The following NBAS variants were observed in gnomAD, a reference collection of about 807,000 sequenced individuals.
The protein encoded by NBAS is NAG/BC035112 fusion.
In NBAS, 219 loss-of-function variants were observed where a neutral mutation model predicts 302.5. That is an observed-to-expected ratio of 0.72 (90% CI 0.65 to 0.81). The LOEUF (loss-of-function observed/expected upper bound fraction) is 0.81. NBAS is among the 30% of genes least tolerant of loss of function. The probability of loss-of-function intolerance (pLI) is 0.00; values close to 1 mark genes in which losing one functional copy is unlikely to be tolerated. For synonymous variants in NBAS, 1,118 were observed against 1,021.6 expected (o/e 1.09, Z -1.80); for missense variants, 2,932 against 2,841.6 (o/e 1.03, Z -0.72).
intron 8 of NBAS, among the ~76,000 whole-genome samples, chr2:15,535,521 C>A (rs374270215): frequency 1.2e-5 from 1 of 84,722 alleles, no homozygotes; most frequent in African/African-American, 9.1e-5. Flanking sequence ...GACTCCGTCT[C>A]AGAAATAAAT....
chr2:15,052,285 T>C, the NBAS span, among the ~76,000 whole-genome samples: 6 of 152,330 alleles, frequency 3.9e-5, no homozygotes, highest in Admixed American at 2.0e-4. Flanking sequence ...TATCCATATA[T>C]TTTCCTTGAC....
chr2:15,133,393 G>A, the NBAS span, among the ~76,000 whole-genome samples: 54 of 152,196 alleles, frequency 3.5e-4, no homozygotes, highest in Non-Finnish European at 2.2e-4. Flanking sequence ...TCTTAGAGAT[G>A]AAATATATCT....
the NBAS span, among the ~76,000 whole-genome samples, chr2:14,800,503 G>A: frequency 5.9e-5 from 9 of 152,144 alleles, no homozygotes; most frequent in African/African-American, 1.9e-4. Flanking sequence ...TATCAGCAGT[G>A]TGAAAGTGGA....
chr2:15,445,761 TAAA>T (rs1678703706), intron 21 of NBAS, among the ~76,000 whole-genome samples: 1 of 151,674 alleles, frequency 6.6e-6, no homozygotes, highest in Admixed American at 6.6e-5. Context: ...ACCAGGTATG[TAAA>T]GAAGAAGGAA....
the NBAS span, among the ~76,000 whole-genome samples, chr2:15,032,422 A>G: frequency 6.6e-6 from 1 of 152,352 alleles, no homozygotes; most frequent in African/African-American, 2.4e-5. Flanking sequence ...ACTTTGCCCA[A>G]TTTTATTTAT....
chr2:15,178,206 A>G (rs1365412968), intron 51 of NBAS: 1 of 466,878 alleles, frequency 2.1e-6, no homozygotes, highest in Non-Finnish European at 4.4e-6. Flanking sequence ...ATATATACAT[A>G]TATATGTATA....
rs529911694 is a variant in NBAS at position 15,285,086 on chromosome 2, AGTGT to A, written c.5138+1983_5138+1986del. Among the ~76,000 whole-genome samples, 536 of 152,356 alleles carry A rather than the reference AGTGT, an allele frequency of 3.5e-3. 2 individuals are homozygous for A. The highest frequency in any genetic ancestry group is 0.012 in the African/African-American group (504 of 41,586). On this transcript the variant is annotated intron_variant, in intron 42 of 51. Transcript: ENST00000281513. ...AAATGCCAGGATATTTTTAAATGCC[AGTGT>A]GTGTATCATAAGAAATATTTATTTG...
the NBAS span, among the ~76,000 whole-genome samples, chr2:14,883,346 T>C: frequency 6.6e-6 from 1 of 152,236 alleles, no homozygotes; most frequent in Non-Finnish European, 1.5e-5. Context: ...AGTTTACATT[T>C]TATTTACTTA....
chr2:15,333,427 C>T (rs1209801072), intron 35 of NBAS, among the ~76,000 whole-genome samples: 1 of 152,064 alleles, frequency 6.6e-6, no homozygotes, highest in Non-Finnish European at 1.5e-5. Context: ...GAAGGGAAAG[C>T]CACTGGAAGG....
At chr2:14,867,623 C>T in the NBAS span, among the ~76,000 whole-genome samples, 2 of 152,164 alleles carry the variant, frequency 1.3e-5, no homozygotes, top group South Asian at 2.1e-4. Context: ...ATGTAAGGAA[C>T]GGTTATCATT....
intron 6 of NBAS, 25 bp downstream of exon 6, chr2:15,551,468 C>T (rs1206384328): frequency 3.2e-6 from 5 of 1,545,754 alleles, no homozygotes; most frequent in Non-Finnish European, 4.5e-6. Context: ...AATTTTCATT[C>T]TTTAAATATT....
intron 50 of NBAS, among the ~76,000 whole-genome samples, chr2:15,181,780 C>A (rs1005777165): frequency 6.6e-6 from 1 of 152,196 alleles, no homozygotes; most frequent in East Asian, 1.9e-4. Flanking sequence ...GACCAGTTCA[C>A]AAATATGCCT....
chr2:15,289,445 C>T (rs1670204059), intron 41 of NBAS, among the ~76,000 whole-genome samples: 1 of 152,174 alleles, frequency 6.6e-6, no homozygotes, highest in Admixed American at 6.5e-5. Flanking sequence ...CCTACCTCCA[C>T]ATCATGGAAT....
At position 15,238,594 on chromosome 2, in the gene NBAS, G is replaced by T. The variant is rs144241208; in HGVS notation, c.5817C>A (p.Asp1939Glu). Residue 1939 changes from aspartate to glutamate, a missense_variant, in exon 45 of 52, where the codon GAC becomes GAA. Asp to Glu is a conservative substitution (Grantham distance 45). Coordinates refer to ENST00000281513, the MANE Select transcript of NBAS (RefSeq NM_015909.4). ...TAGAATCCTTAGCTTCTTGAGCTTC[G>T]TCTTCTGAGTTTCTTTTCCTTGGCT... Reference protein sequence around the residue: ...IEKPRKRNSEDEAQEAKDSKV... With the variant: ...IEKPRKRNSEEEAQEAKDSKV... 1.9e-6 allele frequency: 3 copies of T among 1,613,568 alleles called. No homozygotes were observed. The highest frequency in any genetic ancestry group is 2.5e-6 in the Non-Finnish European group (3 of 1,179,924).
the NBAS span, among the ~76,000 whole-genome samples, chr2:15,033,875 G>C: frequency 6.6e-6 from 1 of 151,612 alleles, no homozygotes; most frequent in Non-Finnish European, 1.5e-5. Context: ...TTGAACCTAG[G>C]GGGCAGAGTT....
the NBAS span, among the ~76,000 whole-genome samples, chr2:14,891,699 G>A: frequency 6.6e-6 from 1 of 152,126 alleles, no homozygotes; most frequent in Non-Finnish European, 1.5e-5. Context: ...ATATAAACAA[G>A]GAATTCCCAG....
chr2:14,898,719 T>C, the NBAS span, among the ~76,000 whole-genome samples: 1 of 152,220 alleles, frequency 6.6e-6, no homozygotes, highest in South Asian at 2.1e-4. Flanking sequence ...GCCATCCATA[T>C]AAGACCGAAC....
At chr2:15,012,494 G>A in the NBAS span, among the ~76,000 whole-genome samples, 3 of 152,236 alleles carry the variant, frequency 2.0e-5, no homozygotes, top group South Asian at 4.1e-4. Context: ...TTAATGAAAT[G>A]ACAGCTAAAA....
chr2:15,453,163 G>C (rs1298005465), intron 21 of NBAS, among the ~76,000 whole-genome samples: 2 of 152,156 alleles, frequency 1.3e-5, no homozygotes, highest in African/African-American at 4.8e-5. Context: ...TGGAGACCCT[G>C]AATTTCCTGT....
Sources: allele counts gnomAD v4.1 joint callset (sites outside exome capture counted in the v4.1 genomes callset), GRCh38; gene constraint gnomAD v4.1.1; transcripts MANE v1.5; gene names NCBI Gene and HGNC (gene_info 2026-07-23, HGNC 2026-07-21).